Variants in MBNL1 observed in about 807,000 individuals in gnomAD.
MBNL1 encodes the protein muscleblind-like protein 1.
Under a neutral mutation model 42.2 loss-of-function variants are expected in MBNL1, and 8 were observed. The ratio of observed to expected loss-of-function variants is 0.19; its 90% CI spans 0.11 to 0.34. MBNL1 has a LOEUF of 0.34. Ranked by LOEUF, MBNL1 falls within the 10% of genes least tolerant of loss-of-function variation. The probability of loss-of-function intolerance (pLI) is 1.00; values close to 1 mark genes in which losing one functional copy is unlikely to be tolerated. For synonymous variants in MBNL1, 169 were observed against 173.9 expected, an observed-to-expected ratio of 0.97 and a Z score of 0.22; for missense variants, 309 against 495.3, an observed-to-expected ratio of 0.62 and a Z score of 3.57.
rs1560714353 is a variant in MBNL1 at position 152,463,333 on chromosome 3, A to G, written c.*967A>G. 1.3e-5 allele frequency: 2 copies of G among 152,436 alleles called. No individual in the cohort carries two copies. Among genetic ancestry groups the G allele is most frequent in the South Asian group, 2.1e-4 (1 of 4,824 alleles). The allele number at this position is 152,436 out of a possible 1,614,324, so 9.4% of individuals were successfully genotyped here. On this transcript the variant is annotated 3_prime_UTR_variant, in exon 10 of 10. Transcript: ENST00000324210. ...ATTTATGCATACTATACTGTATAAC[A>G]TGTTATTCAAAAGGGATTGCCATTT...
At position 152,455,303 on chromosome 3, in the gene MBNL1, GA is replaced by G. The variant is rs1413186551; in HGVS notation, c.962-238del. On this transcript the variant is annotated intron_variant, in intron 6 of 9. Transcript: ENST00000324210. ...ACTTTTGTTTATAGGCAACAATTAAGAGAAACAAAGTGTACCAGCACACAGT... is the reference window on the plus strand; with the variant it reads ...ACTTTTGTTTATAGGCAACAATTAAGGAAACAAAGTGTACCAGCACACAGT... Among the ~76,000 whole-genome samples, 72 of 152,280 alleles carry G rather than the reference GA, an allele frequency of 4.7e-4. 1 individual carries two copies. Among genetic ancestry groups the G allele is most frequent in the Admixed American group, 3.9e-4 (6 of 15,302 alleles).
At chr3:152,421,546 A>G (rs114850093) in intron 3 of MBNL1, among the ~76,000 whole-genome samples, 41 of 152,348 alleles carry the variant, frequency 2.7e-4, no homozygotes, top group Non-Finnish European at 4.9e-4. Flanking sequence ...AAAGCCGCTG[A>G]TAAGTTTAAA....
At chr3:152,419,444 G>A (rs2098761009) in intron 3 of MBNL1, among the ~76,000 whole-genome samples, 1 of 152,026 alleles carries the variant, frequency 6.6e-6, no homozygotes, top group Non-Finnish European at 1.5e-5. Flanking sequence ...AGCATGGTAG[G>A]GTGTCACCTC....
intron 2 of MBNL1, chr3:152,262,493 G>C (rs1439014010): frequency 1.3e-5 from 2 of 152,102 alleles, no homozygotes; most frequent in African/African-American, 2.4e-5. Flanking sequence ...GAAACCAAAG[G>C]AAAGGAACCT....
intron 2 of MBNL1, among the ~76,000 whole-genome samples, chr3:152,260,050 C>T (rs1388511471): frequency 6.6e-6 from 1 of 152,064 alleles, no homozygotes; most frequent in South Asian, 2.1e-4. Flanking sequence ...GTTTTTCTTA[C>T]CATGTAGCCT....
chr3:152,377,650 A>G (rs1016773895), intron 2 of MBNL1, among the ~76,000 whole-genome samples: 3 of 152,198 alleles, frequency 2.0e-5, no homozygotes, highest in African/African-American at 7.2e-5. Flanking sequence ...ACACATTAAC[A>G]TATTTGGAGG....
intron 1 of MBNL1, among the ~76,000 whole-genome samples, chr3:152,275,996 A>T (rs1174242827): frequency 6.6e-6 from 1 of 151,640 alleles, no homozygotes; most frequent in African/African-American, 2.4e-5. Context: ...TTATGAAAAT[A>T]GTAGAAGTTG....
At chr3:152,311,767 T>C (rs1187959448) in intron 2 of MBNL1, among the ~76,000 whole-genome samples, 1 of 152,120 alleles carries the variant, frequency 6.6e-6, no homozygotes, top group African/African-American at 2.4e-5. Context: ...ATAAGAATCG[T>C]TGATTCTATT....
chr3:152,411,881 A>G (rs2153628077), intron 2 of MBNL1, among the ~76,000 whole-genome samples: 1 of 152,348 alleles, frequency 6.6e-6, no homozygotes, highest in Admixed American at 6.5e-5. Flanking sequence ...TTAGGTCAGT[A>G]CAACTCAGAA....
chr3:152,408,799 C>T (rs2098498895), intron 2 of MBNL1, among the ~76,000 whole-genome samples: 1 of 152,006 alleles, frequency 6.6e-6, no homozygotes, highest in Non-Finnish European at 1.5e-5. Context: ...TATCTGGAGA[C>T]ATTTTGGTTT....
intron 2 of MBNL1, among the ~76,000 whole-genome samples, chr3:152,368,286 G>A (rs1342489095): frequency 1.3e-5 from 2 of 152,088 alleles, no homozygotes; most frequent in Non-Finnish European, 2.9e-5. Flanking sequence ...CCCATTGCTT[G>A]TTTTTGTCAG....
intron 3 of MBNL1, 94 bp from the exon 4 acceptor site, chr3:152,432,623 A>G: frequency 1.8e-6 from 2 of 1,092,738 alleles, no homozygotes; most frequent in South Asian, 1.3e-5. Context: ...CTAAGGAAGA[A>G]TGGATAGATG....
chr3:152,459,288 C>T lies in MBNL1; in HGVS notation c.1110C>T (p.Ala370=), dbSNP rs370782792. 1.1e-5 allele frequency: 18 copies of T among 1,581,526 alleles called. No individual in the cohort carries two copies. The highest frequency in any genetic ancestry group is 3.6e-5 in the Admixed American group (2 of 55,318). Residue 370 remains alanine (A), a synonymous_variant, in exon 9 of 10, where the codon GCC becomes GCT. Coordinates refer to ENST00000324210, the MANE Select transcript of MBNL1 (RefSeq NM_021038.5). ...TTTGCTAGATACCCATAATATCTGCCGAACATCTGACTAGCCACAAGTATG... is the reference window on the plus strand; with the variant it reads ...TTTGCTAGATACCCATAATATCTGCTGAACATCTGACTAGCCACAAGTATG... The part of the protein sequence containing the change: ...ATANQIPIIS[A]EHLTSHKYVT...
intron 3 of MBNL1, among the ~76,000 whole-genome samples, chr3:152,418,616 A>AG (rs1430106997): frequency 6.9e-6 from 1 of 144,970 alleles, no homozygotes; most frequent in African/African-American, 2.5e-5. Flanking sequence ...CCTGTCTCTA[A>AG]AAAAAAAAAA....
intron 2 of MBNL1, among the ~76,000 whole-genome samples, chr3:152,305,448 T>C (rs2062592926): frequency 1.3e-5 from 2 of 152,306 alleles, no homozygotes; most frequent in Middle Eastern, 6.8e-3. Flanking sequence ...AGACAAAGCT[T>C]CTTATTTTCT....
intron 1 of MBNL1, among the ~76,000 whole-genome samples, chr3:152,275,603 G>A (rs533075976): frequency 6.6e-6 from 1 of 151,556 alleles, no homozygotes; most frequent in East Asian, 1.9e-4. Context: ...CAGTTACTTG[G>A]GAGCTGAGGC....
intron 2 of MBNL1, among the ~76,000 whole-genome samples, chr3:152,345,575 A>T (rs1358044887): frequency 6.6e-6 from 1 of 152,184 alleles, no homozygotes; most frequent in Non-Finnish European, 1.5e-5. Context: ...AATATTTTTA[A>T]AATACTGTTT....
intron 2 of MBNL1, among the ~76,000 whole-genome samples, chr3:152,327,738 G>A (rs948985428): frequency 1.3e-5 from 2 of 151,748 alleles, no homozygotes; most frequent in Non-Finnish European, 2.9e-5. Context: ...ATGTGGTTTT[G>A]TAAACTATAA....
chr3:152,393,945 G>GA (rs1426157420), intron 2 of MBNL1, among the ~76,000 whole-genome samples: 21 of 152,198 alleles, frequency 1.4e-4, no homozygotes, highest in Admixed American at 1.0e-3. Context: ...GAACTATACT[G>GA]AAAAAATAGT....
Sources: allele counts gnomAD v4.1 joint callset (sites outside exome capture counted in the v4.1 genomes callset), GRCh38; gene constraint gnomAD v4.1.1; transcripts MANE v1.5; gene names NCBI Gene and HGNC (gene_info 2026-07-23, HGNC 2026-07-21).